SCAPER: variants seen among roughly 807,000 people sequenced by gnomAD.
The protein encoded by SCAPER is S-phase cyclin A associated protein in the ER, also known as S phase cyclin A-associated protein in the endoplasmic reticulum.
SCAPER carries 98 observed loss-of-function variants against 182.2 expected under a neutral mutation model. The observed-to-expected ratio is 0.54, with a 90% CI of 0.46 to 0.64. The LOEUF is 0.64. SCAPER is among the 30% of genes least tolerant of loss of function. The probability of loss-of-function intolerance (pLI) is 0.00; values close to 1 mark genes in which losing one functional copy is unlikely to be tolerated. For synonymous variants in SCAPER, 605 were observed against 564.6 expected (o/e 1.07, Z -1.01); for missense variants, 1,432 against 1,690.0 (o/e 0.85, Z 2.68).
intron 21 of SCAPER, among the ~76,000 whole-genome samples, chr15:76,641,116 G>C (rs1022055922): frequency 1.3e-5 from 2 of 152,130 alleles, no homozygotes; most frequent in Non-Finnish European, 2.9e-5. Flanking sequence ...GGTCTAACCG[G>C]TTGTCTAGCT....
Position 76,771,946 on chromosome 15 carries a change from C to T in SCAPER, c.1044G>A (p.Val348=). The change falls in exon 10 of 32, where the codon GTG becomes GTA. Residue 348 remains valine (V), a synonymous_variant. Transcript: ENST00000563290. ...HPLAEKTQFT[V]STLDDVKNSG... ...AATTCTTCACATCATCCAATGTACT[C>T]ACTGTGAACTAACAAAACGTAGAGA... 6.2e-7 allele frequency: 1 copy of T among 1,607,618 alleles called. No homozygotes were observed. Among genetic ancestry groups the T allele is most frequent in the African/African-American group, 1.3e-5 (1 of 74,936 alleles).
intron 5 of SCAPER, among the ~76,000 whole-genome samples, chr15:76,832,719 C>G (rs543595595): frequency 6.6e-6 from 1 of 152,230 alleles, no homozygotes; most frequent in South Asian, 2.1e-4. Context: ...AGAGTTCTCA[C>G]GAGATCTGGT....
chr15:76,555,887 T>C lies in SCAPER; in HGVS notation c.2838+18271A>G, dbSNP rs532344801. On this transcript the variant is annotated intron_variant, in intron 23 of 31. Transcript: ENST00000563290. Reference sequence around the variant, plus strand: ...TCAACATTTGACCAAATGACCCTAATAGACATGAACAGAACTGTCCTCCCC... The same window carrying C: ...TCAACATTTGACCAAATGACCCTAACAGACATGAACAGAACTGTCCTCCCC... Among the ~76,000 whole-genome samples, 5 of 152,306 alleles carry C rather than the reference T, an allele frequency of 3.3e-5. No individual in the cohort carries two copies. The East Asian group carries it at 7.7e-4, about 24-fold the overall frequency.
chr15:76,809,170 C>A (rs768130551), intron 5 of SCAPER, among the ~76,000 whole-genome samples: 4 of 152,096 alleles, frequency 2.6e-5, no homozygotes, highest in Non-Finnish European at 4.4e-5. Flanking sequence ...TATGACAAGA[C>A]TAGGAAAGGC....
intron 20 of SCAPER, among the ~76,000 whole-genome samples, chr15:76,693,701 G>A (rs1316550757): frequency 6.6e-6 from 1 of 152,006 alleles, no homozygotes; most frequent in Non-Finnish European, 1.5e-5. Flanking sequence ...TATACAACAC[G>A]AATGAATCTT....
In SCAPER at chr15:76,497,989, C is replaced by CAAAAAAAAAAA. The variant is rs747096625; in HGVS notation, c.2954+6859_2954+6869dup. 5.8e-4 allele frequency among the ~76,000 whole-genome samples: 34 copies of CAAAAAAAAAAA among 58,324 alleles called. 1 individual carries two copies. Among genetic ancestry groups the CAAAAAAAAAAA allele is most frequent in the South Asian group, 9.8e-4 (1 of 1,018 alleles). The allele number at this position is 58,324 out of a possible 152,430, so 38.3% of individuals were successfully genotyped here. On this transcript the variant is annotated intron_variant, in intron 24 of 31. Transcript: ENST00000563290. Reference sequence around the variant, plus strand: ...CTGGTGATGGAGCGAGACTCCGTCTCAAAAAAAAAAAAAAAAAAAAAAAAA... The same window carrying CAAAAAAAAAAA: ...CTGGTGATGGAGCGAGACTCCGTCTCAAAAAAAAAAAAAAAAAAAAAAAAAAAAAAAAAAAA...
At chr15:76,406,757 C>T (rs1168296193) in intron 26 of SCAPER, among the ~76,000 whole-genome samples, 1 of 152,204 alleles carries the variant, frequency 6.6e-6, no homozygotes, top group African/African-American at 2.4e-5. Flanking sequence ...ATCTGCCCAG[C>T]ACATTCTCCT....
intron 8 of SCAPER, among the ~76,000 whole-genome samples, chr15:76,790,052 C>T (rs960895963): frequency 2.0e-5 from 3 of 151,982 alleles, no homozygotes; most frequent in Non-Finnish European, 2.9e-5. Context: ...CACGGTGAAA[C>T]CCCGTCTCTA....
At chr15:76,507,326 T>C (rs946139987) in intron 23 of SCAPER, among the ~76,000 whole-genome samples, 6 of 152,108 alleles carry the variant, frequency 3.9e-5, no homozygotes, top group East Asian at 3.9e-4. Context: ...ACCAAACCTG[T>C]TGACACCTTG....
intron 21 of SCAPER, among the ~76,000 whole-genome samples, chr15:76,626,829 A>T (rs2052627448): frequency 6.6e-6 from 1 of 152,232 alleles, no homozygotes; most frequent in Non-Finnish European, 1.5e-5. Flanking sequence ...TACGCTCTTA[A>T]AAGTCAGGTG....
intron 22 of SCAPER, among the ~76,000 whole-genome samples, chr15:76,615,997 T>C (rs778005663): frequency 5.3e-5 from 8 of 152,048 alleles, no homozygotes; most frequent in Admixed American, 1.3e-4. Context: ...CATGGAGATA[T>C]TGTTACTCTT....
intron 22 of SCAPER, among the ~76,000 whole-genome samples, chr15:76,609,857 G>A (rs998754231): frequency 5.9e-5 from 9 of 152,300 alleles, no homozygotes; most frequent in Admixed American, 1.3e-4. Context: ...CAGCTGGACT[G>A]TGACTTTAAC....
At chr15:76,710,157 C>T (rs913628079) in intron 17 of SCAPER, among the ~76,000 whole-genome samples, 1 of 152,098 alleles carries the variant, frequency 6.6e-6, no homozygotes, top group Non-Finnish European at 1.5e-5. Context: ...AAGGAGCAAT[C>T]CAGTGCAAGA....
Position 76,404,670 on chromosome 15 carries a change from C to T in SCAPER, c.3321G>A (p.Val1107=), listed in dbSNP as rs751486660. ...ACAGTTTGTCAATCAGACCCATGTTCACCACGTAGCTAGATATGGGGGAGA... is the reference window on the plus strand; with the variant it reads ...ACAGTTTGTCAATCAGACCCATGTTTACCACGTAGCTAGATATGGGGGAGA... ...NRVQDLISYV[V]NMGLIDKLCA... is the part of the protein sequence containing the mutation. The change falls in exon 27 of 32, where the codon GTG becomes GTA. Residue 1107 remains valine (V), a synonymous_variant. Transcript: ENST00000563290. 6.2e-7 allele frequency: 1 copy of T among 1,610,670 alleles called. No individual in the cohort carries two copies. The highest frequency in any genetic ancestry group is 8.5e-7 in the Non-Finnish European group (1 of 1,178,612).
chr15:76,506,647 T>C (rs2041610339), intron 23 of SCAPER, among the ~76,000 whole-genome samples: 1 of 152,040 alleles, frequency 6.6e-6, no homozygotes, highest in Admixed American at 6.6e-5. Flanking sequence ...AAATTATATA[T>C]ACATTTTTAG....
rs373379240 is a variant in SCAPER at position 76,595,883 on chromosome 15, C to A, written c.2712-21599G>T. 1.8e-3 allele frequency among the ~76,000 whole-genome samples: 213 copies of A among 121,628 alleles called. 51 individuals are homozygous for A. Among genetic ancestry groups the A allele is most frequent in the South Asian group, 0.012 (49 of 3,990 alleles). 79.8% of individuals were successfully genotyped at this position (121,628 alleles called of 152,430 possible). A position where few individuals can be genotyped will look rare whatever the true frequency, so the allele number is the denominator to read the frequency against. On this transcript the variant is annotated intron_variant, in intron 22 of 31. Coordinates refer to ENST00000563290, the MANE Select transcript of SCAPER (RefSeq NM_020843.4). ...GCAGGAAAGATCTAAAATCAACACC[C>A]TAACATCACAATTAGAAGAACTGAG...
At chr15:76,801,749 A>T (rs2065808730) in intron 6 of SCAPER, among the ~76,000 whole-genome samples, 1 of 152,020 alleles carries the variant, frequency 6.6e-6, no homozygotes, top group African/African-American at 2.4e-5. Flanking sequence ...GTGAAGCCCT[A>T]TGTCTACTAA....
intron 12 of SCAPER, 40 bp downstream of exon 12, chr15:76,765,523 G>C (rs16968467): frequency 0.066 from 105,149 of 1,604,396 alleles, 3,693 homozygotes; most frequent in Middle Eastern, 0.097. Context: ...ACAAACTTTT[G>C]AACACTGTAC....
intron 20 of SCAPER, among the ~76,000 whole-genome samples, chr15:76,688,620 GA>G (rs1271077366): frequency 1.3e-5 from 2 of 152,048 alleles, no homozygotes; most frequent in Non-Finnish European, 2.9e-5. Context: ...AAGGTGTAAG[GA>G]AAGGGTGCAC....
Sources: allele counts gnomAD v4.1 joint callset (sites outside exome capture counted in the v4.1 genomes callset), GRCh38; gene constraint gnomAD v4.1.1; transcripts MANE v1.5; gene names NCBI Gene and HGNC (gene_info 2026-07-23, HGNC 2026-07-21).